Variants in CREBBP observed in about 807,000 individuals in gnomAD.
The protein encoded by CREBBP is CREB-binding protein.
In CREBBP, 19 loss-of-function variants were observed where a neutral mutation model predicts 265.0. That is an observed-to-expected ratio of 0.07 (90% CI 0.05 to 0.11). CREBBP has a LOEUF of 0.11. CREBBP is among the 10% of genes least tolerant of loss of function. CREBBP has a pLI of 1.00. For missense variants in CREBBP, 2,525 were observed against 3,219.0 expected (o/e 0.78, Z 5.22); for synonymous variants, 1,457 against 1,223.7 (o/e 1.19, Z -3.98).
intron 2 of CREBBP, among the ~76,000 whole-genome samples, chr16:3,814,196 T>TGTG (rs2053991921): frequency 2.7e-5 from 4 of 147,618 alleles, no homozygotes; most frequent in South Asian, 2.1e-4. Context: ...TGTGTGTGTG[T>TGTG]TTGAGACAGA....
At chr16:3,813,445 G>C (rs962226170) in intron 2 of CREBBP, among the ~76,000 whole-genome samples, 1 of 152,114 alleles carries the variant, frequency 6.6e-6, no homozygotes, top group African/African-American at 2.4e-5. Flanking sequence ...AATTGAAGCA[G>C]GAATTTATAT....
At chr16:3,832,052 C>T (rs985856256) in intron 2 of CREBBP, among the ~76,000 whole-genome samples, 6 of 151,360 alleles carry the variant, frequency 4.0e-5, no homozygotes, top group Non-Finnish European at 8.9e-5. Flanking sequence ...TTATGAACAC[C>T]TTCATGCCAA....
intron 2 of CREBBP, among the ~76,000 whole-genome samples, chr16:3,848,193 A>T (rs974694235): frequency 6.6e-6 from 1 of 152,058 alleles, no homozygotes; most frequent in Non-Finnish European, 1.5e-5. Flanking sequence ...AAAAATTACA[A>T]CATATGAGAC....
chr16:3,807,097 T>G (rs887104672), intron 3 of CREBBP, among the ~76,000 whole-genome samples: 21 of 152,228 alleles, frequency 1.4e-4, no homozygotes, highest in African/African-American at 4.8e-4. Flanking sequence ...GTGAGCTCTG[T>G]GTCACTCCCA....
chr16:3,794,630 T>C (rs961811718), intron 3 of CREBBP, among the ~76,000 whole-genome samples: 12 of 152,208 alleles, frequency 7.9e-5, no homozygotes, highest in Non-Finnish European at 1.0e-4. Context: ...TTTAAAGATT[T>C]GGTGATCTGC....
At chr16:3,793,725 T>G in intron 3 of CREBBP, 99 bp from the exon 4 acceptor site, 5 of 1,365,170 alleles carry the variant, frequency 3.7e-6, no homozygotes, top group Non-Finnish European at 5.0e-6. Flanking sequence ...TGATGGATAA[T>G]ACCGACCACA....
Position 3,810,644 on chromosome 16 carries a change from T to C in CREBBP, c.934A>G (p.Thr312Ala), listed in dbSNP as rs764674912. 10 of 1,613,802 alleles carry C rather than the reference T, an allele frequency of 6.2e-6. No homozygotes were observed. Among genetic ancestry groups the C allele is most frequent in the South Asian group, 1.1e-5 (1 of 91,056 alleles). Residue 312 changes from threonine to alanine, a missense_variant, in exon 3 of 31, where the codon ACA (threonine) becomes GCA (alanine). By Grantham distance (58) the Thr-to-Ala change is moderately conservative. Transcript: ENST00000262367. The part of the protein sequence containing the change: ...SMVNSLPTFP[T>A]DIKNTSVTNV... Reference sequence around the variant, plus strand: ...GTGACTGAAGTATTCTTGATATCTGTAGGGAAGGTGGGCAAACTGTTGACC... The same window carrying C: ...GTGACTGAAGTATTCTTGATATCTGCAGGGAAGGTGGGCAAACTGTTGACC...
chr16:3,779,523 G>A (rs1419000980), intron 8 of CREBBP, among the ~76,000 whole-genome samples: 2 of 152,148 alleles, frequency 1.3e-5, no homozygotes, highest in East Asian at 1.9e-4. Context: ...TCAGGATCAT[G>A]TATCTCTGGT....
intron 3 of CREBBP, among the ~76,000 whole-genome samples, chr16:3,803,934 A>G (rs1439154110): frequency 6.6e-6 from 1 of 151,926 alleles, no homozygotes; most frequent in African/African-American, 2.4e-5. Context: ...AATACAAAAA[A>G]TTTGCTGTGC....
chr16:3,762,875 T>G (rs1275963732), intron 16 of CREBBP, among the ~76,000 whole-genome samples: 1 of 151,940 alleles, frequency 6.6e-6, no homozygotes, highest in Admixed American at 6.6e-5. Context: ...CCCAGGTTCA[T>G]GCCATTCTCC....
At chr16:3,871,543 C>G (rs1265535591) in intron 1 of CREBBP, among the ~76,000 whole-genome samples, 2 of 152,156 alleles carry the variant, frequency 1.3e-5, no homozygotes, top group Non-Finnish European at 2.9e-5. Context: ...CCTGAATGTC[C>G]TCATTCAGTT....
intron 15 of CREBBP, 141 bp from the exon 16 acceptor site, chr16:3,768,050 C>A: frequency 1.4e-6 from 1 of 733,318 alleles, no homozygotes; most frequent in Non-Finnish European, 2.4e-6. Flanking sequence ...TTCCTCTTCT[C>A]TTCCGGAAGA....
chr16:3,728,365 G>T lies in CREBBP; in HGVS notation c.6682C>A (p.His2228Asn). ...SAGMAGGMAGHGQFQQPQGPG... is the reference protein window; with the variant it reads ...SAGMAGGMAGNGQFQQPQGPG... ...CCTTGAGGCTGCTGGAACTGGCCGTGCCCCGCCATGCCCCCAGCCATGCCG... is the reference window on the plus strand; with the variant it reads ...CCTTGAGGCTGCTGGAACTGGCCGTTCCCCGCCATGCCCCCAGCCATGCCG... The change falls in exon 31 of 31, where the codon CAC (histidine) becomes AAC (asparagine). Residue 2228 changes from histidine (H) to asparagine (N), a missense_variant. This residue lies in a region of CREBBP where 473 missense variants were observed against 459.3 expected (regional missense o/e 1.03). Transcript: ENST00000262367. This position sits in a 1 kb window ranked among gnomAD's most constrained non-coding sequence, Gnocchi z 8.7. 1 of 1,603,164 alleles carries T rather than the reference G, an allele frequency of 6.2e-7. No individual in the cohort carries two copies. The highest frequency in any genetic ancestry group is 2.3e-5 in the East Asian group (1 of 44,022).
chr16:3,748,682 C>T (rs983234378), intron 21 of CREBBP, among the ~76,000 whole-genome samples: 5 of 152,134 alleles, frequency 3.3e-5, no homozygotes, highest in Admixed American at 3.3e-4. Flanking sequence ...CTGTGCTCAC[C>T]CTGGGGACAA....
intron 2 of CREBBP, among the ~76,000 whole-genome samples, chr16:3,813,907 C>G (rs1162492680): frequency 2.0e-5 from 3 of 152,202 alleles, no homozygotes; most frequent in African/African-American, 7.2e-5. Flanking sequence ...GGGAAGGGAA[C>G]AGGTAACCAT....
intron 25 of CREBBP, 34 bp from the exon 26 acceptor site, chr16:3,738,706 A>C (rs2151334775): frequency 7.5e-7 from 1 of 1,336,286 alleles, no homozygotes; most frequent in Non-Finnish European, 1.1e-6. Flanking sequence ...AACTCAGGGT[A>C]TCCCTCAAAT....
chr16:3,735,943 G>C lies in CREBBP; in HGVS notation c.4728+93C>G. On this transcript the variant is annotated intron_variant, in intron 28 of 30. Coordinates refer to ENST00000262367, the MANE Select transcript of CREBBP (RefSeq NM_004380.3). ...TGTGTGAACGGAGACACCACCACAG[G>C]AAGGACCTAACAGTCGACACGCGCC... The C allele has an allele frequency of 1.9e-6, 3 of 1,606,032 alleles. No individual in the cohort carries two copies. The South Asian group carries it at 3.3e-5, about 18-fold the overall frequency.
intron 1 of CREBBP, among the ~76,000 whole-genome samples, chr16:3,876,751 C>T (rs2055411753): frequency 6.6e-6 from 1 of 152,122 alleles, no homozygotes; most frequent in Non-Finnish European, 1.5e-5. Flanking sequence ...TGAAAGGTAC[C>T]GTTTCTCTCT....
chr16:3,763,726 A>G (rs992833398), intron 16 of CREBBP, among the ~76,000 whole-genome samples: 10 of 152,198 alleles, frequency 6.6e-5, no homozygotes, highest in Non-Finnish European at 1.5e-5. Context: ...AGCTTCCCAA[A>G]GTGTTGGGAT....
Sources: gnomAD v4.1 joint callset for allele counts (sites outside exome capture counted in the v4.1 genomes callset) on GRCh38, gnomAD v4.1.1 for gene constraint, gnomAD v4.1.1 regional missense constraint, Gnocchi (gnomAD v3.1) non-coding constraint, MANE v1.5 for transcripts, NCBI Gene and HGNC (gene_info 2026-07-23, HGNC 2026-07-21) for gene names.